The following KCNB2 variants were observed in gnomAD, a reference collection of about 807,000 sequenced individuals.
KCNB2 encodes potassium voltage-gated channel subfamily B member 2.
KCNB2 carries 15 observed loss-of-function variants against 61.5 expected under a neutral mutation model. The observed-to-expected ratio is 0.24, with a 90% CI of 0.16 to 0.38. The LOEUF is 0.38. KCNB2 is among the 10% of genes least tolerant of loss of function. The pLI is 1.00. For synonymous variants in KCNB2, 457 were observed against 446.0 expected (o/e 1.02, Z -0.31); for missense variants, 828 against 1,125.2 (o/e 0.74, Z 3.78).
At chr8:72,642,095 T>C (rs1036712733) in intron 2 of KCNB2, among the ~76,000 whole-genome samples, 16 of 152,128 alleles carry the variant, frequency 1.1e-4, no homozygotes, top group African/African-American at 3.6e-4. Flanking sequence ...ATCGACGTTG[T>C]TCAGTATGGC....
chr8:72,890,325 G>C (rs577903333), intron 2 of KCNB2, among the ~76,000 whole-genome samples: 1 of 152,204 alleles, frequency 6.6e-6, no homozygotes, highest in East Asian at 1.9e-4. Flanking sequence ...GCAGTACAAA[G>C]GGTGTGGCAG....
chr8:72,653,980 G>A (rs1806251526), intron 2 of KCNB2, among the ~76,000 whole-genome samples: 1 of 152,174 alleles, frequency 6.6e-6, no homozygotes, highest in Non-Finnish European at 1.5e-5. Context: ...GTGGTTAAAA[G>A]AGGAAGAGGA....
At chr8:72,865,949 A>C (rs907205808) in intron 2 of KCNB2, among the ~76,000 whole-genome samples, 1 of 152,142 alleles carries the variant, frequency 6.6e-6, no homozygotes, top group Non-Finnish European at 1.5e-5. Flanking sequence ...ACCCTATACT[A>C]TGAGGTCCAC....
intron 2 of KCNB2, among the ~76,000 whole-genome samples, chr8:72,931,594 C>G (rs565128072): frequency 1.1e-4 from 16 of 152,232 alleles, no homozygotes; most frequent in African/African-American, 3.4e-4. Flanking sequence ...ATTTGGCTCT[C>G]TGTTTGTCTG....
chr8:72,696,259 T>C (rs1807017231), intron 2 of KCNB2, among the ~76,000 whole-genome samples: 1 of 152,202 alleles, frequency 6.6e-6, no homozygotes, highest in Non-Finnish European at 1.5e-5. Flanking sequence ...AAGAAGTTTA[T>C]AATCTAGCTG....
intron 2 of KCNB2, among the ~76,000 whole-genome samples, chr8:72,705,418 T>A (rs1807205677): frequency 6.6e-6 from 1 of 152,240 alleles, no homozygotes. Flanking sequence ...ATCCAGTTTA[T>A]CTGATAGAAT....
chr8:72,633,140 G>C (rs1805907206), intron 2 of KCNB2, among the ~76,000 whole-genome samples: 1 of 152,124 alleles, frequency 6.6e-6, no homozygotes, highest in African/African-American at 2.4e-5. Flanking sequence ...CGCTCTTTCA[G>C]GTTATTGGCG....
intron 2 of KCNB2, among the ~76,000 whole-genome samples, chr8:72,691,118 T>C (rs1445659970): frequency 6.6e-6 from 1 of 152,234 alleles, no homozygotes; most frequent in Non-Finnish European, 1.5e-5. Flanking sequence ...ATTAAGTGTT[T>C]ATATAACTTG....
chr8:72,693,445 T>C (rs2252110), intron 2 of KCNB2, among the ~76,000 whole-genome samples: 107,813 of 151,872 alleles, frequency 0.71, 39,223 homozygotes, highest in African/African-American at 0.86. Context: ...CTCAGGGGCT[T>C]GAGAGACTGT....
chr8:72,842,914 G>GT lies in KCNB2; in HGVS notation c.580-93015dup, dbSNP rs1341380884. Among the ~76,000 whole-genome samples, 11 of 152,110 alleles carry GT rather than the reference G, an allele frequency of 7.2e-5. No homozygotes were observed. The South Asian group carries it at 1.9e-3, about 26-fold the overall frequency. The stretch of plus-strand genomic sequence containing the variant: ...CCTGGATCCGTTGATTTTTTGAAGA[G>GT]TTTTTTGTGTCTCTATCTGCTTCAT... On this transcript the variant is annotated intron_variant, in intron 2 of 2. Coordinates refer to ENST00000523207, the MANE Select transcript of KCNB2 (RefSeq NM_004770.3).
intron 2 of KCNB2, among the ~76,000 whole-genome samples, chr8:72,773,405 G>T (rs73313532): frequency 0.026 from 4,028 of 152,292 alleles, 62 homozygotes; most frequent in African/African-American, 0.038. Context: ...AGATCTACAT[G>T]CAATCCCATA....
At chr8:72,587,638 A>G (rs1297022022) in intron 2 of KCNB2, among the ~76,000 whole-genome samples, 2 of 152,036 alleles carry the variant, frequency 1.3e-5, no homozygotes, top group Non-Finnish European at 2.9e-5. Flanking sequence ...CTGAGGTGGG[A>G]GAATTGCTTA....
At chr8:72,634,348 A>G (rs1585797634) in intron 2 of KCNB2, among the ~76,000 whole-genome samples, 1 of 152,164 alleles carries the variant, frequency 6.6e-6, no homozygotes, top group East Asian at 1.9e-4. Flanking sequence ...ATGCTCATGA[A>G]TCGCCTAAGA....
At chr8:72,885,819 G>A (rs570763899) in intron 2 of KCNB2, among the ~76,000 whole-genome samples, 1 of 151,904 alleles carries the variant, frequency 6.6e-6, no homozygotes, top group Non-Finnish European at 1.5e-5. Flanking sequence ...ATAGCATGTA[G>A]GGCTATTTCT....
chr8:72,696,811 T>A (rs1419750339), intron 2 of KCNB2, among the ~76,000 whole-genome samples: 1 of 152,210 alleles, frequency 6.6e-6, no homozygotes, highest in Non-Finnish European at 1.5e-5. Flanking sequence ...TCATCCATTA[T>A]TGTTTTCCTC....
intron 2 of KCNB2, among the ~76,000 whole-genome samples, chr8:72,803,999 T>C (rs903001014): frequency 6.6e-6 from 1 of 152,168 alleles, no homozygotes; most frequent in Non-Finnish European, 1.5e-5. Flanking sequence ...TGGTTCAGCA[T>C]GCCAGAATGA....
intron 2 of KCNB2, among the ~76,000 whole-genome samples, chr8:72,927,739 A>G (rs1806683151): frequency 6.6e-6 from 1 of 152,220 alleles, no homozygotes; most frequent in Non-Finnish European, 1.5e-5. Context: ...ACCAGTTTAC[A>G]GCCTATACCC....
intron 2 of KCNB2, among the ~76,000 whole-genome samples, chr8:72,675,852 T>A (rs1286383639): frequency 1.3e-5 from 2 of 152,128 alleles, no homozygotes; most frequent in African/African-American, 4.8e-5. Context: ...GCGCCTGGCC[T>A]GCAGTCTGAT....
chr8:72,589,774 G>GT (rs1307485945), intron 2 of KCNB2, among the ~76,000 whole-genome samples: 1 of 152,160 alleles, frequency 6.6e-6, no homozygotes, highest in East Asian at 1.9e-4. Context: ...GAGAAATTGC[G>GT]TATCAGTTGC....
Sources: gnomAD v4.1 joint callset for allele counts (sites outside exome capture counted in the v4.1 genomes callset) on GRCh38, gnomAD v4.1.1 for gene constraint, MANE v1.5 for transcripts, NCBI Gene and HGNC (gene_info 2026-07-23, HGNC 2026-07-21) for gene names.